GPR107: variants seen among roughly 807,000 people sequenced by gnomAD.
The protein encoded by GPR107 is protein GPR107.
A neutral mutation model predicts 75.5 loss-of-function variants in GPR107; 31 were observed. The observed-to-expected ratio is 0.41, with a 90% CI of 0.31 to 0.55. GPR107 has a LOEUF of 0.55. GPR107 is among the 20% of genes least tolerant of loss of function. The pLI, the probability that GPR107 is intolerant of heterozygous loss-of-function variation, is 0.26. For synonymous variants in GPR107, 267 were observed against 251.3 expected (o/e 1.06, Z -0.59); for missense variants, 572 against 665.7 (o/e 0.86, Z 1.55).
Position 130,086,410 on chromosome 9 carries a change from GTCT to G in GPR107, c.565-8_565-6del. On this transcript the variant is annotated splice_region_variant and splice_polypyrimidine_tract_variant and intron_variant, in intron 6 of 17. Transcript: ENST00000347136. ...GTGTCATCCTAAAACATACTATTATGTCTTTTTAGGCCATGGGAGAGAAATCCT... is the reference window on the plus strand; with the variant it reads ...GTGTCATCCTAAAACATACTATTATGTTTTAGGCCATGGGAGAGAAATCCT... 1.5e-6 allele frequency: 2 copies of G among 1,372,544 alleles called. No individual in the cohort carries two copies. The highest frequency in any genetic ancestry group is 1.0e-6 in the Non-Finnish European group (1 of 960,590). 85.0% of individuals were successfully genotyped at this position (1,372,544 alleles called of 1,614,324 possible). A position where few individuals can be genotyped will look rare whatever the true frequency, so the allele number is the denominator to read the frequency against.
At position 130,082,745 on chromosome 9, in the gene GPR107, C is replaced by T. The variant is rs150971549; in HGVS notation, c.527-820C>T. On this transcript the variant is annotated intron_variant, in intron 5 of 17. Coordinates refer to ENST00000347136, the MANE Select transcript of GPR107 (RefSeq NM_020960.5). Reference sequence around the variant, plus strand: ...CCGCCCATCTCAGCCTCCCAAAGTGCTGGGATTATAGGCATGAGCCACCGC... The same window carrying T: ...CCGCCCATCTCAGCCTCCCAAAGTGTTGGGATTATAGGCATGAGCCACCGC... 8.1e-3 allele frequency among the ~76,000 whole-genome samples: 1,237 copies of T among 151,934 alleles called. 12 individuals are homozygous for T. The highest frequency in any genetic ancestry group is 0.028 in the African/African-American group (1,171 of 41,440).
intron 5 of GPR107, among the ~76,000 whole-genome samples, chr9:130,082,239 G>A (rs1240711102): frequency 2.6e-5 from 4 of 152,036 alleles, no homozygotes; most frequent in Non-Finnish European, 5.9e-5. Context: ...GATTTGGAGG[G>A]GACAGACATC....
chr9:130,114,626 T>C (rs1315743374), intron 14 of GPR107: 20 of 645,794 alleles, frequency 3.1e-5, no homozygotes, highest in Non-Finnish European at 4.7e-5. Flanking sequence ...CCTCTAGCTG[T>C]CCTCCTGCCT....
chr9:130,111,035 TAGA>T (rs1295907424), intron 14 of GPR107, among the ~76,000 whole-genome samples: 1 of 152,064 alleles, frequency 6.6e-6, no homozygotes, highest in Non-Finnish European at 1.5e-5. Context: ...AAAATTTTTG[TAGA>T]GATGAGGTCT....
At chr9:130,066,214 G>A (rs1830065360) in intron 1 of GPR107, among the ~76,000 whole-genome samples, 1 of 151,924 alleles carries the variant, frequency 6.6e-6, no homozygotes, top group Non-Finnish European at 1.5e-5. Flanking sequence ...CAGGAGAATC[G>A]CTTGAACCCG....
chr9:130,064,391 G>A (rs1025281651), intron 1 of GPR107, among the ~76,000 whole-genome samples: 13 of 149,530 alleles, frequency 8.7e-5, no homozygotes, highest in Admixed American at 6.7e-4. Flanking sequence ...TAGTAGAGAC[G>A]GGGTTTCACC....
At chr9:130,108,518 A>G (rs1831215027) in intron 14 of GPR107, among the ~76,000 whole-genome samples, 1 of 152,228 alleles carries the variant, frequency 6.6e-6, no homozygotes, top group Non-Finnish European at 1.5e-5. Flanking sequence ...TATTTAGAGC[A>G]CAGTATTCTG....
intron 16 of GPR107, among the ~76,000 whole-genome samples, chr9:130,128,258 GATA>G (rs1156615585): frequency 1.1e-4 from 16 of 152,088 alleles, no homozygotes; most frequent in Admixed American, 3.3e-4. Flanking sequence ...TTATTATTTC[GATA>G]ATAAGTATCT....
chr9:130,096,996 C>A (rs1486701636), intron 9 of GPR107, among the ~76,000 whole-genome samples: 2 of 152,160 alleles, frequency 1.3e-5, no homozygotes, highest in Non-Finnish European at 2.9e-5. Flanking sequence ...GTGATAGACA[C>A]ACGCCTGGAC....
chr9:130,113,964 C>A (rs539897639), intron 14 of GPR107, among the ~76,000 whole-genome samples: 52 of 150,770 alleles, frequency 3.4e-4, no homozygotes, highest in African/African-American at 1.2e-3. Context: ...AATATGAGAA[C>A]CCAGCTGCAT....
In GPR107 at chr9:130,112,519, G is replaced by A. The variant is rs1195779959; in HGVS notation, c.1306+4980G>A. On this transcript the variant is annotated intron_variant, in intron 14 of 17. Coordinates refer to ENST00000347136, the MANE Select transcript of GPR107 (RefSeq NM_020960.5). The surrounding 1 kb of genome is among the most constrained non-coding windows in gnomAD (Gnocchi z 4.0). ...TCTTTACTGTCACCTACTCACAGGG[G>A]GTGAAAAAGGCTCATATCACTTAAG... Among the ~76,000 whole-genome samples, 1 of 152,056 alleles carries A rather than the reference G, an allele frequency of 6.6e-6. No individual in the cohort carries two copies. Among genetic ancestry groups the A allele is most frequent in the East Asian group, 1.9e-4 (1 of 5,200 alleles).
intron 1 of GPR107, among the ~76,000 whole-genome samples, chr9:130,069,846 C>T (rs1936742023): frequency 1.3e-5 from 2 of 151,872 alleles, no homozygotes; most frequent in South Asian, 2.1e-4. Flanking sequence ...CCACCACACC[C>T]GGCAAATTTT....
At chr9:130,085,187 G>C (rs1431123808) in intron 6 of GPR107, among the ~76,000 whole-genome samples, 1 of 152,132 alleles carries the variant, frequency 6.6e-6, no homozygotes, top group Non-Finnish European at 1.5e-5. Flanking sequence ...AAGGAGAAAG[G>C]GTTGTTAGAA....
intron 17 of GPR107, among the ~76,000 whole-genome samples, chr9:130,133,546 G>A (rs571269687): frequency 4.6e-4 from 70 of 152,286 alleles, no homozygotes; most frequent in Non-Finnish European, 6.9e-4. Flanking sequence ...CCTACCTCCT[G>A]CATCCCCGTC....
intron 7 of GPR107, among the ~76,000 whole-genome samples, chr9:130,087,805 C>CAAAAAAAAAAAAAAAAA (rs35984705): frequency 4.5e-4 from 39 of 87,624 alleles, no homozygotes; most frequent in East Asian, 7.3e-4. Context: ...GACCCTGTCT[C>CAAAAAAAAAAAAAAAAA]AAAAAAAAAA....
rs1460729337 is a variant in GPR107, at chr9:130,138,647, G to T, written c.*3526G>T. The T allele has an allele frequency of 1.3e-5, 2 of 151,804 alleles. No individual in the cohort carries two copies. Among genetic ancestry groups the T allele is most frequent in the African/African-American group, 4.8e-5 (2 of 41,272 alleles). The allele number at this position is 151,804 out of a possible 1,614,324, so 9.4% of individuals were successfully genotyped here. On this transcript the variant is annotated 3_prime_UTR_variant, in exon 18 of 18. Coordinates refer to ENST00000347136, the MANE Select transcript of GPR107 (RefSeq NM_020960.5). The stretch of plus-strand genomic sequence containing the variant: ...CACCGGCTAAAGGCTTTGGTGCATT[G>T]CAGCGTTTTCTCCCAGCAGCTGTGT...
rs367813365 is a variant in GPR107 at position 130,105,029 on chromosome 9, G to T, written c.1262+479G>T. On this transcript the variant is annotated intron_variant, in intron 13 of 17. Coordinates refer to ENST00000347136, the MANE Select transcript of GPR107 (RefSeq NM_020960.5). ...GGAAATGGCAGTGTTTAGATGCACA[G>T]ATTGTGCATTGGGTCTGTGTAAAGA... Among the ~76,000 whole-genome samples the T allele has an allele frequency of 5.9e-5, 9 of 152,338 alleles. 1 individual carries two copies. In the East Asian group the frequency reaches 1.3e-3, roughly 23 times the overall value.
In GPR107 at chr9:130,124,962, T is replaced by C. The variant is rs747992897; in HGVS notation, c.1354T>C (p.Leu452=). 7 of 1,355,002 alleles carry C rather than the reference T, an allele frequency of 5.2e-6. 1 individual carries two copies. The South Asian group carries it at 9.2e-5, about 18-fold the overall frequency. 83.9% of individuals were successfully genotyped at this position (1,355,002 alleles called of 1,614,324 possible). A position where few individuals can be genotyped will look rare whatever the true frequency, so the allele number is the denominator to read the frequency against. Reference sequence around the variant, plus strand: ...GAAACTTTTCAGACATTATTACGTCTTGGTAAGTAAAAAAAAAAAAAATCC... The same window carrying C: ...GAAACTTTTCAGACATTATTACGTCCTGGTAAGTAAAAAAAAAAAAAATCC... The part of the protein sequence containing the change: ...KLKLFRHYYV[L]IVCYIYFTRI... Residue 452 remains leucine, a splice_region_variant and synonymous_variant, in exon 15 of 18, where the codon TTG becomes CTG. Coordinates refer to ENST00000347136, the MANE Select transcript of GPR107 (RefSeq NM_020960.5).
chr9:130,131,907 G>A (rs1554899151), intron 17 of GPR107, among the ~76,000 whole-genome samples: 1 of 152,024 alleles, frequency 6.6e-6, no homozygotes, highest in East Asian at 1.9e-4. Context: ...TGCAGACAGG[G>A]TCTCACTCTG....
Sources: allele counts gnomAD v4.1 joint callset (sites outside exome capture counted in the v4.1 genomes callset), GRCh38; gene constraint gnomAD v4.1.1; non-coding constraint Gnocchi (gnomAD v3.1); transcripts MANE v1.5; gene names NCBI Gene and HGNC (gene_info 2026-07-23, HGNC 2026-07-21).